The following HDAC9 variants were observed in gnomAD, a reference collection of about 807,000 sequenced individuals.
HDAC9 encodes histone deacetylase 9, also known as MEF-2 interacting transcription repressor (MITR) protein.
In HDAC9, 41 loss-of-function variants were observed where a neutral mutation model predicts 139.4. The ratio of observed to expected loss-of-function variants is 0.29; its 90% CI spans 0.23 to 0.38. HDAC9 has a LOEUF of 0.38. Ranked by LOEUF, HDAC9 falls within the 10% of genes least tolerant of loss-of-function variation. The pLI is 1.00. For missense variants in HDAC9, 1,147 were observed against 1,297.0 expected, an observed-to-expected ratio of 0.88 and a Z score of 1.78; for synonymous variants, 517 against 476.2, an observed-to-expected ratio of 1.09 and a Z score of -1.12.
At chr7:18,738,007 T>TTG (rs1488268643) in intron 13 of HDAC9, among the ~76,000 whole-genome samples, 1 of 152,236 alleles carries the variant, frequency 6.6e-6, no homozygotes, top group South Asian at 2.1e-4. Context: ...CCTTTACCAT[T>TTG]ATGTAATGGT....
chr7:18,490,256 C>G (rs972040111), intron 1 of HDAC9, among the ~76,000 whole-genome samples: 4 of 152,026 alleles, frequency 2.6e-5, no homozygotes, highest in Non-Finnish European at 5.9e-5. Flanking sequence ...TCCAGAGATT[C>G]TGACTTACTC....
chr7:18,757,728 C>T (rs1003691919), intron 14 of HDAC9, among the ~76,000 whole-genome samples: 9 of 151,978 alleles, frequency 5.9e-5, no homozygotes, highest in Admixed American at 3.3e-4. Context: ...GAATCTATAT[C>T]GTGTGTGTGC....
At chr7:18,689,229 T>TCCCTCCCA (rs796435822) in intron 12 of HDAC9, among the ~76,000 whole-genome samples, 17,064 of 151,468 alleles carry the variant, frequency 0.11, 1,437 homozygotes, top group East Asian at 0.37. Context: ...TATTGCAACT[T>TCCCTCCCA]CCAAATGAAT....
At chr7:18,172,073 C>T (rs982661049) in intron 2 of HDAC9, among the ~76,000 whole-genome samples, 1 of 152,108 alleles carries the variant, frequency 6.6e-6, no homozygotes, top group African/African-American at 2.4e-5. Flanking sequence ...TCGTCTGGTT[C>T]TGGACTTTTT....
intron 22 of HDAC9, among the ~76,000 whole-genome samples, chr7:18,879,321 A>G (rs1193228660): frequency 6.6e-6 from 1 of 152,190 alleles, no homozygotes; most frequent in Non-Finnish European, 1.5e-5. Flanking sequence ...TTTAAAATCC[A>G]TATGAAACCA....
At chr7:18,528,967 G>C (rs908156594) in intron 2 of HDAC9, among the ~76,000 whole-genome samples, 1 of 151,954 alleles carries the variant, frequency 6.6e-6, no homozygotes, top group African/African-American at 2.4e-5. Flanking sequence ...GTTTTTCTGG[G>C]GTATTTGTAT....
intron 2 of HDAC9, among the ~76,000 whole-genome samples, chr7:18,186,911 TTACTC>T (rs2128145741): frequency 6.6e-6 from 1 of 152,302 alleles, no homozygotes; most frequent in African/African-American, 2.4e-5. Flanking sequence ...AAAACAATAT[TTACTC>T]TACAGAACTA....
chr7:18,422,861 G>T (rs560198208), intron 1 of HDAC9, among the ~76,000 whole-genome samples: 2 of 151,930 alleles, frequency 1.3e-5, no homozygotes, highest in African/African-American at 4.8e-5. Flanking sequence ...TTAAGTTTAT[G>T]TTAATAATTT....
chr7:18,431,066 A>T (rs367675210), intron 1 of HDAC9, among the ~76,000 whole-genome samples: 35 of 132,020 alleles, frequency 2.7e-4, no homozygotes, highest in African/African-American at 1.0e-3. Context: ...TGTCCTGTCC[A>T]GTCCAGTCCT....
chr7:18,845,662 T>C (rs775698136), intron 21 of HDAC9, among the ~76,000 whole-genome samples: 7 of 152,102 alleles, frequency 4.6e-5, no homozygotes, highest in Non-Finnish European at 8.8e-5. Context: ...TTCTTTTTCA[T>C]AGGTGTGTTA....
intron 1 of HDAC9, among the ~76,000 whole-genome samples, chr7:18,119,401 A>G (rs1163360738): frequency 2.0e-5 from 3 of 152,222 alleles, no homozygotes; most frequent in Admixed American, 6.5e-5. Context: ...AGTCTGTTCT[A>G]TCTCAGCTGA....
intron 22 of HDAC9, among the ~76,000 whole-genome samples, chr7:18,893,257 A>G (rs1397263865): frequency 6.6e-6 from 1 of 152,086 alleles, no homozygotes; most frequent in African/African-American, 2.4e-5. Context: ...CAGGGTCACA[A>G]CCTGTAGTTG....
chr7:18,630,292 C>CT (rs1021810843), intron 7 of HDAC9, among the ~76,000 whole-genome samples: 5 of 151,856 alleles, frequency 3.3e-5, no homozygotes, highest in Non-Finnish European at 5.9e-5. Context: ...TCTGCAACCC[C>CT]TTTTTTTTCC....
At chr7:18,275,654 ATATTT>A (rs1796669993) in intron 2 of HDAC9, among the ~76,000 whole-genome samples, 2 of 152,122 alleles carry the variant, frequency 1.3e-5, no homozygotes. Context: ...CCCACCAGAC[ATATTT>A]TATCCTTGAG....
At chr7:18,634,387 T>C (rs928421191) in intron 7 of HDAC9, among the ~76,000 whole-genome samples, 7 of 151,902 alleles carry the variant, frequency 4.6e-5, no homozygotes, top group Non-Finnish European at 1.0e-4. Context: ...ACTGGATATC[T>C]TTACTTCTCT....
chr7:18,797,459 C>T (rs1792899482), intron 17 of HDAC9, among the ~76,000 whole-genome samples: 2 of 152,114 alleles, frequency 1.3e-5, no homozygotes, highest in South Asian at 4.1e-4. Context: ...GAACTTTGCT[C>T]ACAATATTAA....
intron 1 of HDAC9, among the ~76,000 whole-genome samples, chr7:18,421,797 T>C (rs1789644476): frequency 6.6e-6 from 1 of 152,170 alleles, no homozygotes; most frequent in African/African-American, 2.4e-5. Flanking sequence ...TGCACAAGAT[T>C]AATGAGAGCC....
At chr7:18,892,930 A>AT (rs1554395021) in intron 22 of HDAC9, among the ~76,000 whole-genome samples, 17 of 131,432 alleles carry the variant, frequency 1.3e-4, no homozygotes, top group African/African-American at 2.6e-4. Flanking sequence ...ATGTCAGATC[A>AT]TTTTTTTTTC....
chr7:18,267,160 T>G (rs1259753537), intron 2 of HDAC9, among the ~76,000 whole-genome samples: 1 of 152,126 alleles, frequency 6.6e-6, no homozygotes, highest in Non-Finnish European at 1.5e-5. Flanking sequence ...TTTAGAAACA[T>G]TAAAACTTAT....
Sources: gnomAD v4.1 joint callset for allele counts (sites outside exome capture counted in the v4.1 genomes callset) on GRCh38, gnomAD v4.1.1 for gene constraint, MANE v1.5 for transcripts, NCBI Gene and HGNC (gene_info 2026-07-23, HGNC 2026-07-21) for gene names.